The following ADAMTSL3 variants were observed in gnomAD, a reference collection of about 807,000 sequenced individuals.
ADAMTSL3 encodes the protein ADAMTS-like protein 3.
ADAMTSL3 carries 128 observed loss-of-function variants against 201.7 expected under a neutral mutation model. The ratio of observed to expected loss-of-function variants is 0.63; its 90% confidence interval spans 0.55 to 0.73. The LOEUF (loss-of-function observed/expected upper bound fraction) is 0.73. ADAMTSL3 is among the 30% of genes least tolerant of loss of function. ADAMTSL3 has a pLI of 0.00. For synonymous variants in ADAMTSL3, 738 were observed against 748.4 expected, an observed-to-expected ratio of 0.99 and a Z score of 0.23; for missense variants, 1,990 against 2,119.6, an observed-to-expected ratio of 0.94 and a Z score of 1.20.
At chr15:84,012,898 C>T (rs1468602845) in intron 23 of ADAMTSL3, among the ~76,000 whole-genome samples, 3 of 152,278 alleles carry the variant, frequency 2.0e-5, no homozygotes, top group African/African-American at 4.8e-5. Context: ...CTTTCACAGA[C>T]GACACAGTTG....
intron 5 of ADAMTSL3, among the ~76,000 whole-genome samples, chr15:83,814,510 C>T (rs769545160): frequency 6.6e-6 from 1 of 152,142 alleles, no homozygotes; most frequent in Non-Finnish European, 1.5e-5. Flanking sequence ...TCTTTTGTTA[C>T]GTCGTTTCCC....
At chr15:83,970,209 A>G (rs1467818778) in intron 19 of ADAMTSL3, among the ~76,000 whole-genome samples, 1 of 151,358 alleles carries the variant, frequency 6.6e-6, no homozygotes, top group African/African-American at 2.4e-5. Context: ...TCCAAAAGAA[A>G]GAGTGAGATG....
At chr15:83,740,202 A>C (rs1025247598) in intron 3 of ADAMTSL3, 1 of 199,280 alleles carries the variant, frequency 5.0e-6, no homozygotes, top group African/African-American at 2.3e-5. Context: ...GATTTTCCAC[A>C]GATAATACAT....
At chr15:83,665,338 A>G (rs1038750647) in intron 2 of ADAMTSL3, among the ~76,000 whole-genome samples, 1 of 152,088 alleles carries the variant, frequency 6.6e-6, no homozygotes. Flanking sequence ...AGTTTGGGGG[A>G]CTACATGGAG....
intron 14 of ADAMTSL3, among the ~76,000 whole-genome samples, chr15:83,899,413 T>C (rs2065679652): frequency 1.1e-5 from 1 of 87,034 alleles, no homozygotes; most frequent in Non-Finnish European, 2.0e-5. Flanking sequence ...CATTTTCAAC[T>C]GTATCATGTG....
chr15:83,657,240 C>T (rs2141348435), intron 2 of ADAMTSL3, among the ~76,000 whole-genome samples: 1 of 152,254 alleles, frequency 6.6e-6, no homozygotes, highest in African/African-American at 2.4e-5. Context: ...TGCCTTCTTT[C>T]ACCTTATAAA....
intron 6 of ADAMTSL3, among the ~76,000 whole-genome samples, chr15:83,821,100 C>G (rs1363896242): frequency 1.3e-5 from 2 of 151,898 alleles, no homozygotes; most frequent in African/African-American, 4.8e-5. Context: ...TAAAAAGACA[C>G]TATGACAGGT....
intron 20 of ADAMTSL3, among the ~76,000 whole-genome samples, chr15:83,971,558 C>CAAAAAA (rs68134290): frequency 6.3e-5 from 4 of 63,834 alleles, no homozygotes; most frequent in African/African-American, 1.8e-4. Context: ...GACTCTGTCT[C>CAAAAAA]AAAAAAAAAA....
At chr15:83,801,651 A>AAAT (rs2063518696) in intron 4 of ADAMTSL3, among the ~76,000 whole-genome samples, 1 of 31,276 alleles carries the variant, frequency 3.2e-5, no homozygotes, top group Admixed American at 4.8e-4. Context: ...TATAAATATA[A>AAAT]ATATATATAT....
chr15:83,863,527 C>G (rs566112379), intron 8 of ADAMTSL3, among the ~76,000 whole-genome samples: 8 of 152,172 alleles, frequency 5.3e-5, no homozygotes, highest in South Asian at 2.1e-4. Flanking sequence ...GGGTACATAA[C>G]GAAATGAAGG....
chr15:83,912,072 A>G (rs539423480), intron 15 of ADAMTSL3, among the ~76,000 whole-genome samples: 1 of 152,312 alleles, frequency 6.6e-6, no homozygotes, highest in South Asian at 2.1e-4. Context: ...TTTCTCCTCT[A>G]TCACTTATTA....
chr15:83,693,562 T>C (rs985912599), intron 2 of ADAMTSL3, among the ~76,000 whole-genome samples: 1 of 152,118 alleles, frequency 6.6e-6, no homozygotes, highest in African/African-American at 2.4e-5. Context: ...AGATCCAACT[T>C]GTCAGTTTAG....
At chr15:83,983,454 G>T in intron 21 of ADAMTSL3, 110 bp downstream of exon 21, 1 of 836,742 alleles carries the variant, frequency 1.2e-6, no homozygotes, top group East Asian at 2.8e-5. Context: ...GTTTCCAACA[G>T]GATTCTTTAG....
intron 5 of ADAMTSL3, among the ~76,000 whole-genome samples, chr15:83,805,642 TG>T (rs2063591397): frequency 1.3e-5 from 2 of 152,186 alleles, no homozygotes; most frequent in African/African-American, 2.4e-5. Flanking sequence ...AAACATTTCC[TG>T]GTTATCAGTA....
At chr15:83,933,136 A>G (rs552220801) in intron 17 of ADAMTSL3, among the ~76,000 whole-genome samples, 132 of 152,348 alleles carry the variant, frequency 8.7e-4, no homozygotes, top group African/African-American at 3.1e-3. Flanking sequence ...TTGAAATTCA[A>G]AAGTTATGTG....
chr15:83,785,988 C>T (rs564055873), intron 4 of ADAMTSL3, among the ~76,000 whole-genome samples: 9 of 152,106 alleles, frequency 5.9e-5, no homozygotes, highest in South Asian at 2.1e-4. Context: ...CAGTTACAGA[C>T]GTGTGCCACC....
intron 3 of ADAMTSL3, among the ~76,000 whole-genome samples, chr15:83,751,258 A>AT (rs1465160620): frequency 1.3e-5 from 2 of 152,220 alleles, no homozygotes; most frequent in African/African-American, 4.8e-5. Flanking sequence ...GATGAATATA[A>AT]TTTCAACGTT....
intron 3 of ADAMTSL3, among the ~76,000 whole-genome samples, chr15:83,735,655 AACTT>A (rs1006846623): frequency 2.6e-5 from 4 of 151,522 alleles, no homozygotes; most frequent in East Asian, 1.9e-4. Context: ...TAATCTCACT[AACTT>A]CAAGGTTTTT....
At chr15:83,887,809 T>G (rs554225511) in intron 10 of ADAMTSL3, among the ~76,000 whole-genome samples, 9 of 152,290 alleles carry the variant, frequency 5.9e-5, no homozygotes, top group African/African-American at 2.2e-4. Context: ...CAGGCTGGTC[T>G]CCAACTGGTG....
Sources: allele counts gnomAD v4.1 joint callset (sites outside exome capture counted in the v4.1 genomes callset), GRCh38; gene constraint gnomAD v4.1.1; transcripts MANE v1.5; gene names NCBI Gene and HGNC (gene_info 2026-07-23, HGNC 2026-07-21).